The following SSX2IP variants were observed in gnomAD, a reference collection of about 807,000 sequenced individuals.
The protein encoded by SSX2IP is SSX family member 2 interacting protein, also known as afadin- and alpha-actinin-binding protein.
A neutral mutation model predicts 84.9 loss-of-function variants in SSX2IP; 55 were observed. That is an observed-to-expected ratio of 0.65 (90% CI 0.52 to 0.81). The LOEUF (loss-of-function observed/expected upper bound fraction) is 0.81, where lower values mean the gene tolerates loss of function less well. Ranked by LOEUF, SSX2IP falls within the 30% of genes least tolerant of loss-of-function variation. The probability of loss-of-function intolerance (pLI) is 0.00; values close to 1 mark genes in which losing one functional copy is unlikely to be tolerated. For synonymous variants in SSX2IP, 239 were observed against 234.7 expected (o/e 1.02, Z -0.17); for missense variants, 664 against 705.2 (o/e 0.94, Z 0.66).
intron 8 of SSX2IP, among the ~76,000 whole-genome samples, chr1:84,659,416 A>G (rs1651593101): frequency 6.6e-6 from 1 of 152,168 alleles, no homozygotes; most frequent in Non-Finnish European, 1.5e-5. Flanking sequence ...GCCAATACTC[A>G]AAAGCTACTT....
intron 1 of SSX2IP, among the ~76,000 whole-genome samples, chr1:84,682,824 T>C (rs1250711577): frequency 6.6e-6 from 1 of 152,180 alleles, no homozygotes; most frequent in Non-Finnish European, 1.5e-5. Flanking sequence ...TTTATAACAA[T>C]GTGCACACAT....
intron 8 of SSX2IP, among the ~76,000 whole-genome samples, chr1:84,659,013 G>A (rs929331606): frequency 2.6e-5 from 4 of 152,076 alleles, no homozygotes; most frequent in African/African-American, 9.7e-5. Context: ...AAATCATAAA[G>A]AAGTAGCAAA....
intron 1 of SSX2IP, among the ~76,000 whole-genome samples, chr1:84,676,392 G>A (rs549850816): frequency 6.6e-6 from 1 of 152,010 alleles, no homozygotes; most frequent in African/African-American, 2.4e-5. Context: ...AATACTTTTA[G>A]TAAAAGCTTT....
At position 84,655,843 on chromosome 1, in the gene SSX2IP, G is replaced by C; in HGVS notation, c.1378C>G (p.Leu460Val). 1.2e-6 allele frequency: 2 copies of C among 1,613,360 alleles called. No individual in the cohort carries two copies. Among genetic ancestry groups the C allele is most frequent in the South Asian group, 2.2e-5 (2 of 91,050 alleles). ...RRSFTEAAIR[L>V]GLERKAFEEE... is the part of the protein sequence containing the mutation. ...ATTGTTTAAAATACCTCCAATCCCA[G>C]GCGAATAGCGGCTTCTGTAAAGCTT... Residue 460 changes from leucine to valine, a missense_variant, in exon 11 of 14, where the codon CTG becomes GTG. Leu to Val is a conservative substitution (Grantham distance 32). Coordinates refer to ENST00000342203, the MANE Select transcript of SSX2IP (RefSeq NM_001166293.2).
At position 84,645,082 on chromosome 1, in the gene SSX2IP, G is replaced by A. The variant is rs1425274201; in HGVS notation, c.*2351C>T. 1.3e-5 allele frequency: 2 copies of A among 152,174 alleles called. No homozygotes were observed. The highest frequency in any genetic ancestry group is 4.8e-5 in the African/African-American group (2 of 41,440). The allele number at this position is 152,174 out of a possible 1,614,324, so 9.4% of individuals were successfully genotyped here. A position where few individuals can be genotyped will look rare whatever the true frequency, so the allele number is the denominator to read the frequency against. On this transcript the variant is annotated 3_prime_UTR_variant, in exon 14 of 14. Transcript: ENST00000342203. ...ACAAAATATTTCAGATTTACATAGT[G>A]ATAAACAAGAAAGCACTTATCAGGA...
chr1:84,666,152 C>A lies in SSX2IP; in HGVS notation c.507G>T (p.Leu169Phe), dbSNP rs756560678. Residue 169 changes from leucine (L) to phenylalanine (F), a missense_variant, in exon 5 of 14, where the codon TTG becomes TTT. Transcript: ENST00000342203. Reference sequence around the variant, plus strand: ...CTTTCTCATTCTTTAGTAGCTGATGCAAATTCCTGTTCTTACATTGTAACT... The same window carrying A: ...CTTTCTCATTCTTTAGTAGCTGATGAAAATTCCTGTTCTTACATTGTAACT... ...DRQLQCKNRN[L>F]HQLLKNEKDE... The A allele has an allele frequency of 1.2e-6, 2 of 1,612,174 alleles. No homozygotes were observed. Among genetic ancestry groups the A allele is most frequent in the Admixed American group, 3.3e-5 (2 of 59,746 alleles).
At chr1:84,671,067 G>C in intron 2 of SSX2IP, 110 bp downstream of exon 2, 1 of 1,290,728 alleles carries the variant, frequency 7.7e-7, no homozygotes, top group Non-Finnish European at 1.1e-6. Context: ...ACAACGATTT[G>C]TCTCTCTTTA....
chr1:84,670,875 A>G, intron 2 of SSX2IP, 60 bp from the exon 3 acceptor site: 1 of 1,339,380 alleles, frequency 7.5e-7, no homozygotes. Context: ...AAGCTAACAT[A>G]ATCGCCATTA....
intron 11 of SSX2IP, chr1:84,655,613 A>T (rs770197174): frequency 6.7e-7 from 1 of 1,494,210 alleles, no homozygotes; most frequent in African/African-American, 1.4e-5. Context: ...AAATGCTTAT[A>T]GCGTTTTTTT....
At chr1:84,671,585 G>GTA (rs1203720385) in intron 1 of SSX2IP, among the ~76,000 whole-genome samples, 1 of 152,008 alleles carries the variant, frequency 6.6e-6, no homozygotes, top group East Asian at 1.9e-4. Flanking sequence ...TACATCTAAG[G>GTA]TATAGCATTG....
Position 84,647,461 on chromosome 1 carries a change from G to A in SSX2IP, c.1817C>T (p.Ser606Phe), listed in dbSNP as rs774399597. Residue 606 changes from serine to phenylalanine, a missense_variant, in exon 14 of 14, where the codon TCT becomes TTT. Transcript: ENST00000342203. ...YSGCSLSYTN[S>F]HVEKDDLP ...AGGTAAGTCATCTTTTTCTACATGAGAATTTGTGTAGCTCAAGGAGCATCC... is the reference window on the plus strand; with the variant it reads ...AGGTAAGTCATCTTTTTCTACATGAAAATTTGTGTAGCTCAAGGAGCATCC... The A allele has an allele frequency of 1.0e-5, 16 of 1,604,860 alleles. No homozygotes were observed. In the Admixed American group the frequency reaches 1.5e-4, roughly 15 times the overall value.
intron 1 of SSX2IP, among the ~76,000 whole-genome samples, chr1:84,684,510 A>G (rs1358407880): frequency 6.6e-6 from 1 of 152,178 alleles, no homozygotes; most frequent in South Asian, 2.1e-4. Flanking sequence ...AGCTTATTAA[A>G]CCTTAGAGGA....
At chr1:84,680,860 A>C (rs560929662) in intron 1 of SSX2IP, among the ~76,000 whole-genome samples, 44 of 152,208 alleles carry the variant, frequency 2.9e-4, no homozygotes, top group Non-Finnish European at 5.3e-4. Flanking sequence ...ATTTTCTATA[A>C]ATGAAAGTGT....
At chr1:84,653,536 G>C (rs769855883) in intron 11 of SSX2IP, among the ~76,000 whole-genome samples, 1 of 152,168 alleles carries the variant, frequency 6.6e-6, no homozygotes, top group Non-Finnish European at 1.5e-5. Flanking sequence ...GCAACTGGGA[G>C]CAATATGCAA....
At chr1:84,668,375 G>A (rs1049761940) in intron 4 of SSX2IP, among the ~76,000 whole-genome samples, 1 of 152,066 alleles carries the variant, frequency 6.6e-6, no homozygotes, top group African/African-American at 2.4e-5. Context: ...CACAAGCCTA[G>A]GGGGCACCAA....
intron 11 of SSX2IP, among the ~76,000 whole-genome samples, chr1:84,655,146 G>A (rs141044467): frequency 2.4e-4 from 36 of 152,206 alleles, no homozygotes; most frequent in Non-Finnish European, 5.0e-4. Context: ...TCAATGAACT[G>A]ATAAACAAGA....
chr1:84,677,994 A>AT (rs1654600995), intron 1 of SSX2IP, among the ~76,000 whole-genome samples: 1 of 152,212 alleles, frequency 6.6e-6, no homozygotes, highest in Non-Finnish European at 1.5e-5. Context: ...GAAGCAACAG[A>AT]TAACTCATAC....
intron 12 of SSX2IP, 80 bp downstream of exon 12, chr1:84,651,799 TATTA>T (rs1650291779): frequency 8.6e-6 from 7 of 810,802 alleles, no homozygotes; most frequent in Non-Finnish European, 1.1e-5. Context: ...CAAAGTTTTG[TATTA>T]ATAATATGTA....
At position 84,664,399 on chromosome 1, in the gene SSX2IP, T is replaced by A. The variant is rs757669031; in HGVS notation, c.673+18A>T. 6.4e-7 allele frequency: 1 copy of A among 1,566,308 alleles called. No individual in the cohort carries two copies. The highest frequency in any genetic ancestry group is 1.2e-5 in the South Asian group (1 of 82,552). ...TTAGCTTATTTATTCTCTTAGCTGA[T>A]CTTTGCCAGCTGTTTACCTATTTTC... On this transcript the variant is annotated intron_variant, in intron 6 of 13. Transcript: ENST00000342203.
Sources: allele counts gnomAD v4.1 joint callset (sites outside exome capture counted in the v4.1 genomes callset), GRCh38; gene constraint gnomAD v4.1.1; transcripts MANE v1.5; gene names NCBI Gene and HGNC (gene_info 2026-07-23, HGNC 2026-07-21).